Variants in ARHGEF3 observed in about 807,000 individuals in gnomAD.
ARHGEF3 encodes the protein Rho guanine nucleotide exchange factor 3.
In ARHGEF3, 28 loss-of-function variants were observed where a neutral mutation model predicts 63.2. The ratio of observed to expected loss-of-function variants is 0.44; its 90% confidence interval spans 0.33 to 0.61. The LOEUF is 0.61. ARHGEF3 is among the 20% of genes least tolerant of loss of function. The pLI is 0.03. For missense variants in ARHGEF3, 533 were observed against 659.3 expected (o/e 0.81, Z 2.10); for synonymous variants, 266 against 254.2 (o/e 1.05, Z -0.44).
intron 4 of ARHGEF3, among the ~76,000 whole-genome samples, chr3:56,752,340 G>C (rs1242537449): frequency 6.6e-6 from 1 of 152,198 alleles, no homozygotes; most frequent in Non-Finnish European, 1.5e-5. Flanking sequence ...TTATAGGTGT[G>C]AGCCACCGGA....
intron 2 of ARHGEF3, among the ~76,000 whole-genome samples, chr3:56,767,971 C>G (rs2035801921): frequency 6.6e-6 from 1 of 151,998 alleles, no homozygotes; most frequent in Non-Finnish European, 1.5e-5. Context: ...TGGTCTCAAA[C>G]TCCTGACCTC....
At position 56,899,267 on chromosome 3, in the gene ARHGEF3, G is replaced by A. The variant is rs938036964; in HGVS notation, c.130-16913C>T. The stretch of plus-strand genomic sequence containing the variant: ...TGCAGATGGCATCTGAAGTGGCCTC[G>A]GCCATATGGGTGGGGCACCGGGAGA... On this transcript the variant is annotated intron_variant, in intron 3 of 12. Coordinates refer to the ARHGEF3 transcript ENST00000338458. Among the ~76,000 whole-genome samples the A allele has an allele frequency of 5.9e-5, 9 of 152,134 alleles. No individual in the cohort carries two copies. In the South Asian group the frequency reaches 8.3e-4, roughly 14 times the overall value.
chr3:56,937,148 AAAAT>A (rs1698946951), intron 3 of ARHGEF3, among the ~76,000 whole-genome samples: 1 of 152,254 alleles, frequency 6.6e-6, no homozygotes. Flanking sequence ...AAACAAACAA[AAAAT>A]AAATCCAGCT....
intron 2 of ARHGEF3, among the ~76,000 whole-genome samples, chr3:57,008,696 T>C (rs999634379): frequency 1.3e-5 from 2 of 152,144 alleles, no homozygotes; most frequent in Non-Finnish European, 2.9e-5. Flanking sequence ...GGTCTTGAAC[T>C]CCTGGCCTCA....
At chr3:56,869,320 C>G (rs1318185616) in intron 4 of ARHGEF3, among the ~76,000 whole-genome samples, 4 of 152,166 alleles carry the variant, frequency 2.6e-5, no homozygotes, top group African/African-American at 9.7e-5. Flanking sequence ...AAATGTTTCA[C>G]CTTCAATATC....
intron 3 of ARHGEF3, among the ~76,000 whole-genome samples, chr3:56,938,368 C>T (rs116023583): frequency 0.014 from 2,082 of 152,264 alleles, 23 homozygotes; most frequent in Middle Eastern, 0.031. Context: ...TTAGAGACTA[C>T]TAATTTCAAT....
intron 4 of ARHGEF3, among the ~76,000 whole-genome samples, chr3:56,808,101 G>A (rs2037929736): frequency 1.3e-5 from 2 of 150,488 alleles, no homozygotes; most frequent in Non-Finnish European, 2.9e-5. Flanking sequence ...TCTAGCCTGG[G>A]TGACAAAGTT....
intron 2 of ARHGEF3, among the ~76,000 whole-genome samples, chr3:57,033,864 G>C (rs987157920): frequency 6.6e-6 from 1 of 152,040 alleles, no homozygotes; most frequent in African/African-American, 2.4e-5. Flanking sequence ...GGCCAACATA[G>C]TGAAACTTCA....
At chr3:56,805,983 T>C (rs1299416398), upstream of ARHGEF3, among the ~76,000 whole-genome samples, 1 of 152,130 alleles carries the variant, frequency 6.6e-6, no homozygotes, top group Non-Finnish European at 1.5e-5. Flanking sequence ...AGCCAGCAAT[T>C]TGGGGTGCAT....
rs191637570 is a variant in ARHGEF3, at chr3:56,921,651, G to A, written c.129+37172C>T. Among the ~76,000 whole-genome samples, 223 of 152,260 alleles carry A rather than the reference G, an allele frequency of 1.5e-3. 1 individual carries two copies. The highest frequency in any genetic ancestry group is 2.4e-3 in the Non-Finnish European group (161 of 68,032). Reference sequence around the variant, plus strand: ...ATGAACTCTAGACAAATGGAGCAGCGGTGTCCAGACACTTTCCCAGGCCAA... The same window carrying A: ...ATGAACTCTAGACAAATGGAGCAGCAGTGTCCAGACACTTTCCCAGGCCAA... On this transcript the variant is annotated intron_variant, in intron 3 of 12. Coordinates refer to the ARHGEF3 transcript ENST00000338458.
rs2038046815 is a variant in ARHGEF3 at position 56,811,064 on chromosome 3, G to A, written c.193-37248C>T. Among the ~76,000 whole-genome samples the A allele has an allele frequency of 5.9e-5, 9 of 152,282 alleles. No individual in the cohort carries two copies. In the South Asian group the frequency reaches 1.0e-3, roughly 18 times the overall value. ...TCTTAATTTGTTCATCCAAACAAAC[G>A]TGCACTGAGGAACTACTGTGTGCCA... On this transcript the variant is annotated intron_variant, in intron 4 of 12. Transcript: ENST00000338458.
chr3:56,871,751 C>T (rs905310023), intron 4 of ARHGEF3, among the ~76,000 whole-genome samples: 2 of 152,114 alleles, frequency 1.3e-5, no homozygotes, highest in Non-Finnish European at 2.9e-5. Flanking sequence ...AGCAGGGATT[C>T]ATAATCTAGA....
At chr3:56,892,055 G>C (rs9823600) in intron 3 of ARHGEF3, among the ~76,000 whole-genome samples, 101,303 of 151,850 alleles carry the variant, frequency 0.67, 35,210 homozygotes, top group Non-Finnish European at 0.78. Context: ...TGGGAGGAGG[G>C]AGGAGACCTA....
At chr3:56,931,541 A>C (rs2042410224) in intron 3 of ARHGEF3, among the ~76,000 whole-genome samples, 1 of 125,324 alleles carries the variant, frequency 8.0e-6, no homozygotes, top group South Asian at 2.8e-4. Flanking sequence ...GTGCTACTGC[A>C]CTCCAGCCTG....
At chr3:56,863,930 T>C (rs189863361) in intron 4 of ARHGEF3, among the ~76,000 whole-genome samples, 6 of 152,244 alleles carry the variant, frequency 3.9e-5, no homozygotes, top group Non-Finnish European at 8.8e-5. Context: ...AAAACCCACA[T>C]CTTCTAACGC....
At chr3:56,787,676 C>T (rs1348997333) in intron 1 of ARHGEF3, among the ~76,000 whole-genome samples, 4 of 151,896 alleles carry the variant, frequency 2.6e-5, no homozygotes, top group South Asian at 2.1e-4. Flanking sequence ...AAACTTTCCC[C>T]GCCACCCCGA....
intron 4 of ARHGEF3, among the ~76,000 whole-genome samples, chr3:56,843,016 A>G (rs1020646392): frequency 1.2e-4 from 18 of 152,204 alleles, no homozygotes; most frequent in African/African-American, 4.3e-4. Flanking sequence ...TAACACATGA[A>G]TTATTTCTCC....
intron 9 of ARHGEF3, chr3:56,731,591 A>G (rs2107681204): frequency 8.8e-6 from 1 of 113,228 alleles, no homozygotes; most frequent in South Asian, 4.1e-4. Flanking sequence ...CTATTCCCTT[A>G]CCGGGTTTTA....
At chr3:56,732,794 T>C (rs1052677667) in intron 8 of ARHGEF3, among the ~76,000 whole-genome samples, 3 of 151,822 alleles carry the variant, frequency 2.0e-5, no homozygotes, top group Non-Finnish European at 4.4e-5. Context: ...ATCAAGAAGG[T>C]GATGAAGGGA....
Sources: gnomAD v4.1 joint callset for allele counts (sites outside exome capture counted in the v4.1 genomes callset) on GRCh38, gnomAD v4.1.1 for gene constraint, MANE v1.5 for transcripts, NCBI Gene and HGNC (gene_info 2026-07-23, HGNC 2026-07-21) for gene names.